Variants in PIP4K2B observed in about 807,000 individuals in gnomAD.
The protein encoded by PIP4K2B is phosphatidylinositol 5-phosphate 4-kinase type-2 beta.
PIP4K2B carries 3 observed loss-of-function variants against 42.0 expected under a neutral mutation model. That is an observed-to-expected ratio of 0.07 (90% CI 0.03 to 0.18). The LOEUF is 0.18. Ranked by LOEUF, PIP4K2B falls within the 10% of genes least tolerant of loss-of-function variation. The pLI, the probability that PIP4K2B is intolerant of heterozygous loss-of-function variation, is 1.00. For synonymous variants in PIP4K2B, 204 were observed against 210.1 expected (o/e 0.97, Z 0.25); for missense variants, 332 against 562.3 (o/e 0.59, Z 4.14).
At chr17:38,776,073 C>A (rs58267111) in intron 7 of PIP4K2B, 2 of 444,130 alleles carry the variant, frequency 4.5e-6, no homozygotes, top group South Asian at 3.1e-5. Context: ...TGGGTTCAAG[C>A]GATTCTCTTG....
In PIP4K2B at chr17:38,767,499, G is replaced by A. The variant is rs1192331911; in HGVS notation, c.*2192C>T. 6.6e-6 allele frequency: 1 copy of A among 152,240 alleles called. No individual in the cohort carries two copies. Among genetic ancestry groups the A allele is most frequent in the African/African-American group, 2.4e-5 (1 of 41,372 alleles). 9.4% of individuals were successfully genotyped at this position (152,240 alleles called of 1,614,324 possible). A position where few individuals can be genotyped will look rare whatever the true frequency, so the allele number is the denominator to read the frequency against. On this transcript the variant is annotated 3_prime_UTR_variant, in exon 10 of 10. Coordinates refer to ENST00000619039, the MANE Select transcript of PIP4K2B (RefSeq NM_003559.5). The stretch of plus-strand genomic sequence containing the variant: ...GAAACAGAATGCTACCTCTCAAAAT[G>A]TAAACAATATACAAAACACACAAAC...
chr17:38,779,379 T>C lies in PIP4K2B; in HGVS notation c.654+4A>G. The C allele has an allele frequency of 6.2e-7, 1 of 1,604,676 alleles. No homozygotes were observed. The highest frequency in any genetic ancestry group is 1.1e-5 in the South Asian group (1 of 90,854). On this transcript the variant is annotated splice_donor_region_variant and intron_variant, in intron 5 of 9. Transcript: ENST00000619039. ...ACAGCTCCGGCAAACACAGAGCCCT[T>C]TACCTTGAGGTCATACTTGCGATGC... is the stretch of plus-strand genomic sequence containing the variant.
At chr17:38,783,816 G>A (rs970435567) in intron 3 of PIP4K2B, among the ~76,000 whole-genome samples, 18 of 152,106 alleles carry the variant, frequency 1.2e-4, no homozygotes, top group African/African-American at 2.9e-4. Context: ...GGCCAGGCTG[G>A]TCTCAAACTC....
intron 7 of PIP4K2B, among the ~76,000 whole-genome samples, chr17:38,774,878 G>A (rs1457366340): frequency 2.0e-5 from 3 of 152,158 alleles, no homozygotes; most frequent in Admixed American, 6.5e-5. Context: ...TATAACAAGT[G>A]TCCATTAACT....
In PIP4K2B at chr17:38,771,076, C is replaced by G. The variant is rs566981815; in HGVS notation, c.1004G>C (p.Arg335Pro). 1.2e-6 allele frequency: 2 copies of G among 1,614,132 alleles called. No homozygotes were observed. The highest frequency in any genetic ancestry group is 2.7e-5 in the African/African-American group (2 of 75,028). Residue 335 changes from arginine to proline, a missense_variant, in exon 8 of 10, where the codon CGG becomes CCG. Arg to Pro is a moderately radical substitution (Grantham distance 103, BLOSUM62 -2). Coordinates refer to ENST00000619039, the MANE Select transcript of PIP4K2B (RefSeq NM_003559.5). The stretch of plus-strand genomic sequence containing the variant: ...GTCGAATTCCCCAGGACCAAAGAAC[C>G]GAGGAAAGCTGAGGAGGTTGCCAGG... Reference protein sequence around the residue: ...DSPGNLLSFPRFFGPGEFDPS... With the variant: ...DSPGNLLSFPPFFGPGEFDPS...
rs546475706 is a variant in PIP4K2B, at chr17:38,768,334, G to A, written c.*1357C>T. 6.6e-6 allele frequency: 1 copy of A among 152,542 alleles called. No individual in the cohort carries two copies. The highest frequency in any genetic ancestry group is 1.9e-4 in the East Asian group (1 of 5,178). The allele number at this position is 152,542 out of a possible 1,614,324, so 9.4% of individuals were successfully genotyped here. ...GGCTCCGAAGGCAGGTGGAACACCT[G>A]CAGGAAGCCACTCCTTCCAAAAAAG... On this transcript the variant is annotated 3_prime_UTR_variant, in exon 10 of 10. Transcript: ENST00000619039.
chr17:38,780,376 C>T, intron 4 of PIP4K2B, 76 bp downstream of exon 4: 1 of 1,386,418 alleles, frequency 7.2e-7, no homozygotes, highest in Non-Finnish European at 9.8e-7. Flanking sequence ...CAACCCCTCC[C>T]TAAGAAGCTC....
chr17:38,799,413 G>A lies in PIP4K2B; in HGVS notation c.12C>T (p.Asn4=), dbSNP rs986222709. Reference sequence around the variant, plus strand: ...CCGCCACCGCCGTGGTGCTGGTGCAGTTGGACGACATGCCCGGGGCGGCGG... The same window carrying A: ...CCGCCACCGCCGTGGTGCTGGTGCAATTGGACGACATGCCCGGGGCGGCGG... MSS[N]CTSTTAVAVA... The change falls in exon 1 of 10, where the codon AAC becomes AAT. Residue 4 remains asparagine (N), a synonymous_variant. Coordinates refer to ENST00000619039, the MANE Select transcript of PIP4K2B (RefSeq NM_003559.5). This position sits in a 1 kb window ranked among gnomAD's most constrained non-coding sequence, Gnocchi z 4.4. The A allele has an allele frequency of 3.1e-6, 5 of 1,597,978 alleles. No individual in the cohort carries two copies. Among genetic ancestry groups the A allele is most frequent in the Admixed American group, 1.7e-5 (1 of 58,064 alleles).
intron 3 of PIP4K2B, among the ~76,000 whole-genome samples, chr17:38,782,775 G>A (rs1277643256): frequency 6.6e-6 from 1 of 152,178 alleles, no homozygotes; most frequent in Non-Finnish European, 1.5e-5. Flanking sequence ...CAAAGGGGTG[G>A]GGTGGGAGGA....
intron 7 of PIP4K2B, among the ~76,000 whole-genome samples, chr17:38,774,232 G>A (rs1909192103): frequency 6.6e-6 from 1 of 152,180 alleles, no homozygotes; most frequent in Admixed American, 6.5e-5. Context: ...GGTGAAATGA[G>A]CATTGAACTG....
At position 38,771,377 on chromosome 17, in the gene PIP4K2B, C is replaced by A; in HGVS notation, c.808-105G>T. The A allele has an allele frequency of 3.7e-6, 5 of 1,335,224 alleles. No homozygotes were observed. The South Asian group carries it at 6.6e-5, about 18-fold the overall frequency. The allele number at this position is 1,335,224 out of a possible 1,614,324, so 82.7% of individuals were successfully genotyped here. ...AGGCATTCCTTTCAACTCAATTCTA[C>A]AAACAGTTTTGAAATTCAACAGAGA... On this transcript the variant is annotated intron_variant, in intron 7 of 9. Transcript: ENST00000619039.
At position 38,771,221 on chromosome 17, in the gene PIP4K2B, C is replaced by T. The variant is rs922781144; in HGVS notation, c.859G>A (p.Asp287Asn). ...TCCTCCTGCTCTGCCCGGTCCACGT[C>T]GTGGATGCCCACCAGCAGGCTGTAG... ...MDYSLLVGIH[D>N]VDRAEQEEME... The change falls in exon 8 of 10, where the codon GAC becomes AAC. Residue 287 changes from aspartate to asparagine, a missense_variant. Transcript: ENST00000619039. 4.3e-6 allele frequency: 7 copies of T among 1,614,078 alleles called. No homozygotes were observed. The highest frequency in any genetic ancestry group is 4.5e-5 in the East Asian group (2 of 44,874).
At chr17:38,771,923 G>C (rs970722941) in intron 7 of PIP4K2B, among the ~76,000 whole-genome samples, 1 of 152,138 alleles carries the variant, frequency 6.6e-6, no homozygotes, top group African/African-American at 2.4e-5. Context: ...CTACCTACTT[G>C]GGAGGCTCAA....
At position 38,799,377 on chromosome 17, in the gene PIP4K2B, G is replaced by C. The variant is rs759101679; in HGVS notation, c.48C>G (p.Leu16=). The C allele has an allele frequency of 2.5e-6, 4 of 1,607,170 alleles. No homozygotes were observed. Among genetic ancestry groups the C allele is most frequent in the South Asian group, 2.2e-5 (2 of 90,656 alleles). The change falls in exon 1 of 10, where the codon CTC becomes CTG. Residue 16 remains leucine, a synonymous_variant. Transcript: ENST00000619039. The surrounding 1 kb of genome is among the most constrained non-coding windows in gnomAD (Gnocchi z 4.4). ...TSTTAVAVAP[L]SASKTKTKKK... ...TCTTGGTCTTGGTCTTGCTGGCGCT[G>C]AGCGGCGCCACCGCCACCGCCGTGG... is the stretch of plus-strand genomic sequence containing the variant.
chr17:38,792,414 G>A (rs1910390862), intron 1 of PIP4K2B, among the ~76,000 whole-genome samples: 1 of 152,100 alleles, frequency 6.6e-6, no homozygotes, highest in Non-Finnish European at 1.5e-5. Context: ...AAAGTGAGAG[G>A]TATGATTCTG....
intron 1 of PIP4K2B, among the ~76,000 whole-genome samples, chr17:38,788,910 G>A (rs534162952): frequency 6.6e-6 from 1 of 150,686 alleles, no homozygotes; most frequent in East Asian, 2.0e-4. Flanking sequence ...CCGAGATCGC[G>A]CCACTGCCTG....
At chr17:38,778,419 G>A (rs745481305) in intron 5 of PIP4K2B, 47 bp from the exon 6 acceptor site, 53 of 1,567,136 alleles carry the variant, frequency 3.4e-5, no homozygotes, top group South Asian at 1.1e-4. Flanking sequence ...AGGCAAAGTC[G>A]ACTGCATGAG....
rs1909635524 is a variant in PIP4K2B, at chr17:38,780,516, A to G, written c.443T>C (p.Val148Ala). Residue 148 changes from valine (V) to alanine (A), a missense_variant, in exon 4 of 10, where the codon GTC becomes GCC. Coordinates refer to ENST00000619039, the MANE Select transcript of PIP4K2B (RefSeq NM_003559.5). ...RFLTTYDRRF[V>A]IKTVSSEDVA... is the part of the protein sequence containing the mutation. ...GTCCTCGCTGGACACAGTCTTGATG[A>G]CAAAGCGCCGGTCGTAGGTGGTGAG... The G allele has an allele frequency of 6.2e-7, 1 of 1,614,052 alleles. No homozygotes were observed. Among genetic ancestry groups the G allele is most frequent in the Non-Finnish European group, 8.5e-7 (1 of 1,179,928 alleles).
intron 7 of PIP4K2B, 58 bp from the exon 8 acceptor site, chr17:38,771,330 G>A: frequency 6.3e-7 from 1 of 1,585,652 alleles, no homozygotes; most frequent in Non-Finnish European, 8.6e-7. Flanking sequence ...GGACATCCCA[G>A]TGACATCCAG....
Sources: allele counts gnomAD v4.1 joint callset (sites outside exome capture counted in the v4.1 genomes callset), GRCh38; gene constraint gnomAD v4.1.1; non-coding constraint Gnocchi (gnomAD v3.1); transcripts MANE v1.5; gene names NCBI Gene and HGNC (gene_info 2026-07-23, HGNC 2026-07-21).